MPPED2: variants seen among roughly 807,000 people sequenced by gnomAD.
MPPED2 encodes metallophosphoesterase domain containing 2.
MPPED2 carries 5 observed loss-of-function variants against 33.0 expected under a neutral mutation model. The ratio of observed to expected loss-of-function variants is 0.15; its 90% confidence interval spans 0.08 to 0.32. The LOEUF is 0.32. Ranked by LOEUF, MPPED2 falls within the 10% of genes least tolerant of loss-of-function variation. MPPED2 has a pLI of 1.00. For missense variants in MPPED2, 275 were observed against 372.1 expected (o/e 0.74, Z 2.15); for synonymous variants, 136 against 141.9 (o/e 0.96, Z 0.29).
chr11:30,389,792 C>T (rs912349168), intron 6 of MPPED2, among the ~76,000 whole-genome samples: 1 of 152,172 alleles, frequency 6.6e-6, no homozygotes, highest in Non-Finnish European at 1.5e-5. Context: ...GAAACTGACT[C>T]AGGTAGATAG....
At chr11:30,560,795 T>C (rs1956206899) in intron 2 of MPPED2, among the ~76,000 whole-genome samples, 1 of 152,214 alleles carries the variant, frequency 6.6e-6, no homozygotes, top group East Asian at 1.9e-4. Flanking sequence ...AACAAAGGAC[T>C]GAATCTGCTT....
At position 30,411,439 on chromosome 11, in the gene MPPED2, C is replaced by T; in HGVS notation, c.*29G>A. The stretch of plus-strand genomic sequence containing the variant: ...GAAAAATGGCAGTTTATAGACCTTC[C>T]CTCACATTCCAATAGGGCATTTAGA... On this transcript the variant is annotated 3_prime_UTR_variant, in exon 7 of 7. Coordinates refer to ENST00000358117, the MANE Select transcript of MPPED2 (RefSeq NM_001584.3). 6.3e-7 allele frequency: 1 copy of T among 1,599,752 alleles called. No individual in the cohort carries two copies. The highest frequency in any genetic ancestry group is 8.5e-7 in the Non-Finnish European group (1 of 1,170,896).
At chr11:30,428,380 T>C (rs960314425) in intron 4 of MPPED2, among the ~76,000 whole-genome samples, 2 of 152,092 alleles carry the variant, frequency 1.3e-5, no homozygotes, top group African/African-American at 2.4e-5. Context: ...TCTACATAAA[T>C]AGGATTTTGG....
At chr11:30,398,870 T>G (rs1415494499) in intron 6 of MPPED2, among the ~76,000 whole-genome samples, 1 of 152,238 alleles carries the variant, frequency 6.6e-6, no homozygotes, top group South Asian at 2.1e-4. Context: ...TTCTCTTCAG[T>G]TGGGCCCAGG....
At chr11:30,475,342 T>C (rs140917520) in intron 4 of MPPED2, among the ~76,000 whole-genome samples, 4 of 152,294 alleles carry the variant, frequency 2.6e-5, no homozygotes, top group East Asian at 1.9e-4. Flanking sequence ...TACAACTTTA[T>C]AAAATGTTGC....
At chr11:30,425,807 A>C (rs546192474) in intron 4 of MPPED2, among the ~76,000 whole-genome samples, 17 of 152,326 alleles carry the variant, frequency 1.1e-4, no homozygotes, top group Middle Eastern at 3.4e-3. Flanking sequence ...ACTAATGTCC[A>C]ATCCTCAGCA....
intron 2 of MPPED2, among the ~76,000 whole-genome samples, chr11:30,563,644 C>A (rs1956324396): frequency 1.3e-5 from 2 of 152,176 alleles, no homozygotes; most frequent in Admixed American, 6.5e-5. Flanking sequence ...ATGTTAGTAG[C>A]AGAGGCAACT....
intron 3 of MPPED2, among the ~76,000 whole-genome samples, chr11:30,519,015 T>C (rs1953697243): frequency 6.6e-6 from 1 of 152,044 alleles, no homozygotes; most frequent in Admixed American, 6.6e-5. Flanking sequence ...GCATGGTGGC[T>C]CACACCTTTA....
At chr11:30,487,567 G>A (rs1477196032) in intron 4 of MPPED2, among the ~76,000 whole-genome samples, 2 of 151,876 alleles carry the variant, frequency 1.3e-5, no homozygotes, top group Non-Finnish European at 2.9e-5. Context: ...TTGCAACATC[G>A]ACCTCCCAGA....
intron 4 of MPPED2, chr11:30,425,617 G>A (rs1481674568): frequency 1.3e-5 from 2 of 152,176 alleles, no homozygotes; most frequent in Admixed American, 1.3e-4. Flanking sequence ...TGGTGGACAG[G>A]TGAGGCAGAT....
At chr11:30,418,047 G>C (rs1392932962) in intron 4 of MPPED2, among the ~76,000 whole-genome samples, 2 of 152,150 alleles carry the variant, frequency 1.3e-5, no homozygotes, top group East Asian at 3.9e-4. Context: ...GGGGAGGAGT[G>C]AGGAGGGAGG....
At chr11:30,400,729 A>G (rs955757131) in intron 6 of MPPED2, among the ~76,000 whole-genome samples, 4 of 151,570 alleles carry the variant, frequency 2.6e-5, no homozygotes, top group African/African-American at 9.7e-5. Context: ...ATTACTTACC[A>G]TTCATTTCTT....
At chr11:30,459,302 C>T (rs1220498887) in intron 4 of MPPED2, among the ~76,000 whole-genome samples, 1 of 152,148 alleles carries the variant, frequency 6.6e-6, no homozygotes, top group Non-Finnish European at 1.5e-5. Context: ...GTGCTACTTT[C>T]TGTGCACAAT....
chr11:30,483,519 G>A (rs2134135743), intron 4 of MPPED2, among the ~76,000 whole-genome samples: 1 of 152,206 alleles, frequency 6.6e-6, no homozygotes, highest in African/African-American at 2.4e-5. Flanking sequence ...AGAGACTTCT[G>A]CCAATAGCCT....
intron 2 of MPPED2, among the ~76,000 whole-genome samples, chr11:30,551,074 T>C (rs1955688417): frequency 6.6e-6 from 1 of 152,240 alleles, no homozygotes; most frequent in Non-Finnish European, 1.5e-5. Flanking sequence ...GCATTGTAAT[T>C]ATTCCCATTG....
rs370451807 is a variant in MPPED2 at position 30,509,651 on chromosome 11, T to A, written c.311-14130A>T. ...CAAGTCACTGGGTCAGATGAAAGAA[T>A]CCATGCTAATTTATGTGCAAGGCCA... On this transcript the variant is annotated intron_variant, in intron 3 of 6. Transcript: ENST00000358117. Among the ~76,000 whole-genome samples, 36 of 152,304 alleles carry A rather than the reference T, an allele frequency of 2.4e-4. No homozygotes were observed. In the South Asian group the frequency reaches 7.5e-3, roughly 32 times the overall value.
intron 2 of MPPED2, among the ~76,000 whole-genome samples, chr11:30,565,753 A>G (rs537880110): frequency 6.6e-6 from 1 of 152,094 alleles, no homozygotes; most frequent in South Asian, 2.1e-4. Flanking sequence ...GCCATGTAAA[A>G]TTTTCTTAAG....
At chr11:30,417,756 C>G in intron 4 of MPPED2, 123 bp from the exon 5 acceptor site, 1 of 630,640 alleles carries the variant, frequency 1.6e-6, no homozygotes, top group Admixed American at 2.4e-5. Flanking sequence ...TGATGGTTGG[C>G]CCTGGCAGCA....
At chr11:30,561,558 G>A (rs1345006141) in intron 2 of MPPED2, among the ~76,000 whole-genome samples, 4 of 152,148 alleles carry the variant, frequency 2.6e-5, no homozygotes, top group African/African-American at 9.7e-5. Flanking sequence ...CCAGCCACCA[G>A]CCACTGTGCC....
Sources: gnomAD v4.1 joint callset for allele counts (sites outside exome capture counted in the v4.1 genomes callset) on GRCh38, gnomAD v4.1.1 for gene constraint, MANE v1.5 for transcripts, NCBI Gene and HGNC (gene_info 2026-07-23, HGNC 2026-07-21) for gene names.